Variants in GLRA3 observed in about 807,000 individuals in gnomAD.
The protein encoded by GLRA3 is glycine receptor subunit alpha-3.
A neutral mutation model predicts 60.4 loss-of-function variants in GLRA3; 44 were observed. The observed-to-expected ratio is 0.73, with a 90% CI of 0.57 to 0.94. The LOEUF is 0.94. Among genes scored for constraint, GLRA3 ranks in the 40% least tolerant of loss-of-function variants. The pLI, the probability that GLRA3 is intolerant of heterozygous loss-of-function variation, is 0.00. For missense variants in GLRA3, 508 were observed against 564.6 expected (o/e 0.90, Z 1.02); for synonymous variants, 223 against 192.9 (o/e 1.16, Z -1.29).
intron 9 of GLRA3, among the ~76,000 whole-genome samples, chr4:174,645,619 C>CA (rs1366843556): frequency 6.6e-6 from 1 of 151,910 alleles, no homozygotes; most frequent in African/African-American, 2.4e-5. Context: ...ACCTGCAAAA[C>CA]AAAAGTATAT....
intron 7 of GLRA3, among the ~76,000 whole-genome samples, chr4:174,672,805 A>C (rs1733960771): frequency 6.6e-6 from 1 of 152,130 alleles, no homozygotes; most frequent in Non-Finnish European, 1.5e-5. Flanking sequence ...AAGTGCCAAG[A>C]ATCTCATAAT....
At chr4:174,707,719 A>G (rs150201017) in intron 5 of GLRA3, among the ~76,000 whole-genome samples, 126 of 152,362 alleles carry the variant, frequency 8.3e-4, no homozygotes, top group African/African-American at 3.0e-3. Context: ...TTTGGAAATC[A>G]TCACATAGAT....
At chr4:174,728,365 C>T in intron 4 of GLRA3, 110 bp downstream of exon 4, 1 of 629,064 alleles carries the variant, frequency 1.6e-6, no homozygotes, top group Non-Finnish European at 2.8e-6. Context: ...TGAAGTGCAA[C>T]AATGATAGCA....
At chr4:174,706,015 G>A (rs1411234161) in intron 5 of GLRA3, among the ~76,000 whole-genome samples, 1 of 152,056 alleles carries the variant, frequency 6.6e-6, no homozygotes, top group African/African-American at 2.4e-5. Context: ...TGGATCACAA[G>A]GTCAGGAATC....
intron 9 of GLRA3, among the ~76,000 whole-genome samples, chr4:174,651,042 T>C (rs1365059373): frequency 1.3e-5 from 2 of 152,202 alleles, no homozygotes; most frequent in Non-Finnish European, 2.9e-5. Flanking sequence ...AGATATTCCA[T>C]CTTGGGTTTT....
At chr4:174,679,634 G>T (rs2110963888) in intron 6 of GLRA3, among the ~76,000 whole-genome samples, 1 of 152,272 alleles carries the variant, frequency 6.6e-6, no homozygotes, top group South Asian at 2.1e-4. Flanking sequence ...CAACCCAAGT[G>T]TCCCTCAGTG....
chr4:174,752,758 TCA>T (rs943124948), intron 3 of GLRA3, among the ~76,000 whole-genome samples: 5 of 152,132 alleles, frequency 3.3e-5, no homozygotes, highest in African/African-American at 1.2e-4. Context: ...GTGAATATTT[TCA>T]GTTTATCTTC....
In GLRA3 at chr4:174,811,517, G is replaced by A. The variant is rs560318236; in HGVS notation, c.71+17224C>T. Among the ~76,000 whole-genome samples the A allele has an allele frequency of 1.4e-4, 22 of 152,196 alleles. No homozygotes were observed. The East Asian group carries it at 4.1e-3, about 28-fold the overall frequency. On this transcript the variant is annotated intron_variant, in intron 1 of 9. Coordinates refer to ENST00000274093, the MANE Select transcript of GLRA3 (RefSeq NM_006529.4). ...ACATTGCCTTTCTTGGCTTAGCTGA[G>A]CCAGAAATGATCCCTCCTCCACTAA... is the stretch of plus-strand genomic sequence containing the variant.
intron 7 of GLRA3, among the ~76,000 whole-genome samples, chr4:174,662,297 A>G (rs1733480507): frequency 6.6e-6 from 1 of 152,210 alleles, no homozygotes; most frequent in South Asian, 2.1e-4. Flanking sequence ...ATGAAAGGTA[A>G]GATGTTTTTC....
At chr4:174,693,052 G>A (rs1230948547) in intron 5 of GLRA3, among the ~76,000 whole-genome samples, 2 of 151,888 alleles carry the variant, frequency 1.3e-5, no homozygotes, top group East Asian at 3.9e-4. Context: ...TAGATGTTGG[G>A]TTTTAGCCTT....
At chr4:174,736,108 T>C (rs557725967) in intron 3 of GLRA3, among the ~76,000 whole-genome samples, 2 of 152,174 alleles carry the variant, frequency 1.3e-5, no homozygotes, top group South Asian at 4.2e-4. Context: ...CTTCAAAATT[T>C]TGAGGTGGAT....
Position 174,828,852 on chromosome 4 carries a change from C to G in GLRA3, c.-41G>C, listed in dbSNP as rs373134582. On this transcript the variant is annotated 5_prime_UTR_variant, in exon 1 of 10. Coordinates refer to ENST00000274093, the MANE Select transcript of GLRA3 (RefSeq NM_006529.4). ...TCACGATCCTGAAAATAGTCTTATCCAAGGCATGGGGAACCAGAAAGACAG... is the reference window on the plus strand; with the variant it reads ...TCACGATCCTGAAAATAGTCTTATCGAAGGCATGGGGAACCAGAAAGACAG... 7.7e-7 allele frequency: 1 copy of G among 1,301,724 alleles called. No individual in the cohort carries two copies. Among genetic ancestry groups the G allele is most frequent in the African/African-American group, 1.4e-5 (1 of 69,168 alleles). 80.6% of individuals were successfully genotyped at this position (1,301,724 alleles called of 1,614,324 possible).
Position 174,803,902 on chromosome 4 carries a change from G to T in GLRA3, c.72-14959C>A, listed in dbSNP as rs115270640. ...CCTGGTTGAAATTGCTTTAGCAAAA[G>T]AGGTTCAAAATCACTTTGCAAACTT... On this transcript the variant is annotated intron_variant, in intron 1 of 9. Coordinates refer to ENST00000274093, the MANE Select transcript of GLRA3 (RefSeq NM_006529.4). 5.4e-3 allele frequency among the ~76,000 whole-genome samples: 828 copies of T among 152,296 alleles called. 5 individuals are homozygous for T. Among genetic ancestry groups the T allele is most frequent in the African/African-American group, 0.019 (807 of 41,562 alleles).
intron 3 of GLRA3, among the ~76,000 whole-genome samples, chr4:174,729,185 G>T (rs1736455295): frequency 6.6e-6 from 1 of 152,124 alleles, no homozygotes; most frequent in African/African-American, 2.4e-5. Context: ...TGCTTTGTCA[G>T]AATAAAATGT....
intron 1 of GLRA3, among the ~76,000 whole-genome samples, chr4:174,806,054 G>T (rs899822861): frequency 6.6e-6 from 1 of 152,096 alleles, no homozygotes; most frequent in African/African-American, 2.4e-5. Context: ...CAGGTGAAAG[G>T]TATAGCAAAG....
In GLRA3 at chr4:174,806,176, A is replaced by T. The variant is rs924450588; in HGVS notation, c.72-17233T>A. On this transcript the variant is annotated intron_variant, in intron 1 of 9. Coordinates refer to ENST00000274093, the MANE Select transcript of GLRA3 (RefSeq NM_006529.4). ...TGTTAATTAGCATTTAAAATAATTAAGCTTAAAATTATAAACTTAAATCTG... is the reference window on the plus strand; with the variant it reads ...TGTTAATTAGCATTTAAAATAATTATGCTTAAAATTATAAACTTAAATCTG... 2.6e-5 allele frequency among the ~76,000 whole-genome samples: 4 copies of T among 152,170 alleles called. No individual in the cohort carries two copies. The East Asian group carries it at 7.7e-4, about 29-fold the overall frequency.
chr4:174,744,266 T>G (rs1347301107), intron 3 of GLRA3, among the ~76,000 whole-genome samples: 3 of 152,238 alleles, frequency 2.0e-5, no homozygotes, highest in African/African-American at 7.2e-5. Flanking sequence ...CTCAGGGACC[T>G]AAGAACGCAA....
chr4:174,708,913 T>C (rs1735612628), intron 5 of GLRA3, among the ~76,000 whole-genome samples: 1 of 151,622 alleles, frequency 6.6e-6, no homozygotes, highest in Non-Finnish European at 1.5e-5. Context: ...TTTTCCTGCC[T>C]CTAGCCCTGT....
chr4:174,749,026 G>T (rs1171268383), intron 3 of GLRA3, among the ~76,000 whole-genome samples: 1 of 152,234 alleles, frequency 6.6e-6, no homozygotes. Flanking sequence ...CCACAGTAGT[G>T]TCAATGGAGA....
Sources: allele counts gnomAD v4.1 joint callset (sites outside exome capture counted in the v4.1 genomes callset), GRCh38; gene constraint gnomAD v4.1.1; transcripts MANE v1.5; gene names NCBI Gene and HGNC (gene_info 2026-07-23, HGNC 2026-07-21).